The following RASSF2 variants were observed in gnomAD, a reference collection of about 807,000 sequenced individuals.
RASSF2 encodes the protein Ras association domain family member 2, also known as ras association domain-containing protein 2.
In RASSF2, 34 loss-of-function variants were observed where a neutral mutation model predicts 46.3. The ratio of observed to expected loss-of-function variants is 0.73; its 90% CI spans 0.56 to 0.98. The LOEUF is 0.98. Ranked by LOEUF, RASSF2 falls within the 50% of genes least tolerant of loss-of-function variation. RASSF2 has a pLI of 0.00. For synonymous variants in RASSF2, 158 were observed against 162.5 expected (o/e 0.97, Z 0.21); for missense variants, 364 against 431.2 (o/e 0.84, Z 1.38).
intron 2 of RASSF2, among the ~76,000 whole-genome samples, chr20:4,819,748 G>A (rs78096817): frequency 3.4e-4 from 52 of 152,308 alleles, no homozygotes; most frequent in African/African-American, 2.2e-4. Flanking sequence ...TTAAAGCACC[G>A]TGCTGATGAA....
Position 4,801,023 on chromosome 20 carries a change from T to C in RASSF2, c.8A>G (p.Tyr3Cys). 1 of 1,613,884 alleles carries C rather than the reference T, an allele frequency of 6.2e-7. No individual in the cohort carries two copies. Reference protein sequence around the residue: MDYSHQTSLVPCG... With the variant: MDCSHQTSLVPCG... ...TGGGACTAGGGACGTTTGGTGGCTG[T>C]AGTCCATTCTTCCTTTCTCTTTTCA... The change falls in exon 3 of 12, where the codon TAC (tyrosine) becomes TGC (cysteine). Residue 3 changes from tyrosine (Y) to cysteine (C), a missense_variant. Transcript: ENST00000379400.
In RASSF2 at chr20:4,780,625, T is replaced by C. The variant is rs1345289781; in HGVS notation, c.*3648A>G. ...CCTGTCTCCTATCTCATTCTTCACGTCATGGTTTGGCCGCTGTAAGACACT... is the reference window on the plus strand; with the variant it reads ...CCTGTCTCCTATCTCATTCTTCACGCCATGGTTTGGCCGCTGTAAGACACT... On this transcript the variant is annotated 3_prime_UTR_variant, in exon 12 of 12. Transcript: ENST00000379400. 6.6e-6 allele frequency: 1 copy of C among 152,216 alleles called. No homozygotes were observed. Among genetic ancestry groups the C allele is most frequent in the Non-Finnish European group, 1.5e-5 (1 of 68,054 alleles). 9.4% of individuals were successfully genotyped at this position (152,216 alleles called of 1,614,324 possible).
At chr20:4,786,198 AAGTGCACCC>A (rs1460495335) in intron 11 of RASSF2, 24 bp downstream of exon 11, 4 of 1,530,372 alleles carry the variant, frequency 2.6e-6, no homozygotes, top group Non-Finnish European at 3.6e-6. Flanking sequence ...GCCCCAGGAG[AAGTGCACCC>A]AGTGCCCCAG....
chr20:4,792,919 G>A (rs372057565), intron 5 of RASSF2: 1 of 448,602 alleles, frequency 2.2e-6, no homozygotes, highest in South Asian at 2.5e-5. Context: ...TCAAGCCCAG[G>A]ATGGATAATA....
At position 4,801,170 on chromosome 20, in the gene RASSF2, T is replaced by C. The variant is rs1032149690; in HGVS notation, c.-32-108A>G. ...CAAAATTGGACGCCATGGCTCTCCG[T>C]TCCTCCCCACCCAGATCCACAGCTA... On this transcript the variant is annotated intron_variant, in intron 2 of 11. Coordinates refer to ENST00000379400, the MANE Select transcript of RASSF2 (RefSeq NM_014737.3). 10 of 750,532 alleles carry C rather than the reference T, an allele frequency of 1.3e-5. No individual in the cohort carries two copies. The East Asian group carries it at 2.7e-4, about 20-fold the overall frequency. The allele number at this position is 750,532 out of a possible 1,614,324, so 46.5% of individuals were successfully genotyped here.
intron 10 of RASSF2, among the ~76,000 whole-genome samples, chr20:4,787,057 C>CAA (rs112411943): frequency 7.4e-6 from 1 of 135,896 alleles, no homozygotes. Context: ...GACTCCATCC[C>CAA]AAAAAAAAAA....
At chr20:4,811,769 C>T (rs1312985266) in intron 2 of RASSF2, among the ~76,000 whole-genome samples, 1 of 152,142 alleles carries the variant, frequency 6.6e-6, no homozygotes, top group Admixed American at 6.5e-5. Flanking sequence ...CCCCAGGCCC[C>T]AAGTCTGATG....
chr20:4,801,422 A>G (rs1384240287), intron 2 of RASSF2, among the ~76,000 whole-genome samples: 1 of 152,228 alleles, frequency 6.6e-6, no homozygotes, highest in Non-Finnish European at 1.5e-5. Flanking sequence ...TCTCAGGGAC[A>G]GCCCGATTCT....
At chr20:4,818,551 G>A (rs146164204) in intron 2 of RASSF2, among the ~76,000 whole-genome samples, 1 of 152,290 alleles carries the variant, frequency 6.6e-6, no homozygotes, top group African/African-American at 2.4e-5. Context: ...ACTGATACCA[G>A]GTTGGTAGAG....
intron 10 of RASSF2, among the ~76,000 whole-genome samples, chr20:4,787,218 A>T (rs1445703994): frequency 6.6e-6 from 1 of 152,170 alleles, no homozygotes; most frequent in Non-Finnish European, 1.5e-5. Context: ...TGTGGACATG[A>T]CACACCAAAT....
chr20:4,790,598 C>G lies in RASSF2; in HGVS notation c.390G>C (p.Leu130=), dbSNP rs1167063207. 6 of 1,525,504 alleles carry G rather than the reference C, an allele frequency of 3.9e-6. No individual in the cohort carries two copies. The highest frequency in any genetic ancestry group is 5.2e-6 in the Non-Finnish European group (6 of 1,147,360). 94.5% of individuals were successfully genotyped at this position (1,525,504 alleles called of 1,614,324 possible). ...QMPSSTDSRG[L]KPLQEDTPQL... is the part of the protein sequence containing the mutation. ...GTGGGGTGTCCTCCTGCAGGGGCTT[C>G]AGGCCCCTGGAGTCTGAGAGAGGAG... The change falls in exon 7 of 12, where the codon CTG becomes CTC. Residue 130 remains leucine (L), a synonymous_variant. Transcript: ENST00000379400. This position sits in a 1 kb window ranked among gnomAD's most constrained non-coding sequence, Gnocchi z 4.3.
In RASSF2 at chr20:4,803,520, G is replaced by A. The variant is rs542911966; in HGVS notation, c.-32-2458C>T. Among the ~76,000 whole-genome samples the A allele has an allele frequency of 4.6e-5, 7 of 152,240 alleles. 1 individual carries two copies. In the South Asian group the frequency reaches 1.2e-3, roughly 27 times the overall value. Reference sequence around the variant, plus strand: ...CGTGACTGCAATACTTCATGAAGCCGAGGCAGGAGGATCATTCGAGGCCAG... The same window carrying A: ...CGTGACTGCAATACTTCATGAAGCCAAGGCAGGAGGATCATTCGAGGCCAG... On this transcript the variant is annotated intron_variant, in intron 2 of 11. Transcript: ENST00000379400.
intron 2 of RASSF2, among the ~76,000 whole-genome samples, chr20:4,813,271 C>T (rs1297828719): frequency 1.3e-5 from 2 of 152,178 alleles, no homozygotes; most frequent in African/African-American, 4.8e-5. Context: ...GGAACTGAAA[C>T]ACAGCAAGGG....
chr20:4,784,557 A>T (rs1925123819), intron 11 of RASSF2, among the ~76,000 whole-genome samples: 1 of 143,104 alleles, frequency 7.0e-6, no homozygotes, highest in Middle Eastern at 3.9e-3. Context: ...GCCAAATCCA[A>T]ATTAGATTAT....
intron 2 of RASSF2, among the ~76,000 whole-genome samples, chr20:4,813,321 C>T (rs943041915): frequency 1.8e-4 from 27 of 152,262 alleles, no homozygotes; most frequent in African/African-American, 5.1e-4. Context: ...CCTACGAAGC[C>T]GCCACTCTTC....
At chr20:4,802,825 A>G (rs1169701902) in intron 2 of RASSF2, among the ~76,000 whole-genome samples, 1 of 151,448 alleles carries the variant, frequency 6.6e-6, no homozygotes, top group Admixed American at 6.6e-5. Flanking sequence ...AATGGTTAAG[A>G]TGGTAAATTT....
At chr20:4,785,139 G>C (rs1247697320) in intron 11 of RASSF2, among the ~76,000 whole-genome samples, 1 of 122,752 alleles carries the variant, frequency 8.1e-6, no homozygotes, top group East Asian at 2.3e-4. Flanking sequence ...GCAAAACCCC[G>C]TCTCTACTAA....
intron 2 of RASSF2, among the ~76,000 whole-genome samples, chr20:4,808,178 AT>A (rs1436984293): frequency 1.3e-5 from 2 of 152,202 alleles, no homozygotes. Flanking sequence ...ACAGGGATTC[AT>A]TCGTTCAGCT....
chr20:4,793,902 T>C (rs376348534), intron 5 of RASSF2, among the ~76,000 whole-genome samples: 18 of 152,224 alleles, frequency 1.2e-4, no homozygotes, highest in African/African-American at 4.1e-4. Flanking sequence ...CAGGACCAGC[T>C]TGATGCCGCA....
Sources: allele counts gnomAD v4.1 joint callset (sites outside exome capture counted in the v4.1 genomes callset), GRCh38; gene constraint gnomAD v4.1.1; non-coding constraint Gnocchi (gnomAD v3.1); transcripts MANE v1.5; gene names NCBI Gene and HGNC (gene_info 2026-07-23, HGNC 2026-07-21).